Variants in OPA3 observed in about 807,000 individuals in gnomAD.
OPA3 encodes outer mitochondrial membrane lipid metabolism regulator OPA3, also known as optic atrophy 3 protein.
A neutral mutation model predicts 4.0 loss-of-function variants in OPA3; 6 were observed. The ratio of observed to expected loss-of-function variants is 1.51; its 90% CI spans 0.83 to 2.99. The LOEUF (loss-of-function observed/expected upper bound fraction) is 2.99. Among genes scored for constraint, OPA3 ranks in the 30% most tolerant of loss-of-function variants. OPA3 has a pLI of 0.00. For synonymous variants in OPA3, 105 were observed against 117.1 expected (o/e 0.90, Z 0.67); for missense variants, 235 against 256.2 (o/e 0.92, Z 0.56).
intron 1 of OPA3, among the ~76,000 whole-genome samples, chr19:45,572,374 T>C (rs1459542556): frequency 7.5e-6 from 1 of 132,814 alleles, no homozygotes; most frequent in Non-Finnish European, 1.6e-5. Context: ...TATATATCGA[T>C]ATATATCTCA....
At position 45,549,722 on chromosome 19, in the gene OPA3, A is replaced by G; in HGVS notation, c.*3792T>C. ...CTCGATCTCCTAACATCATGTGATC[A>G]GTCCACCTTGGCCTCTCAAAGTGCT... On this transcript the variant is annotated 3_prime_UTR_variant, in exon 2 of 2. Transcript: ENST00000263275. 1 of 971,872 alleles carries G rather than the reference A, an allele frequency of 1.0e-6. No individual in the cohort carries two copies. 60.2% of individuals were successfully genotyped at this position (971,872 alleles called of 1,614,324 possible). A position where few individuals can be genotyped will look rare whatever the true frequency, so the allele number is the denominator to read the frequency against.
At position 45,549,692 on chromosome 19, in the gene OPA3, C is replaced by G; in HGVS notation, c.*3822G>C. 1.1e-6 allele frequency: 1 copy of G among 940,212 alleles called. No individual in the cohort carries two copies. The highest frequency in any genetic ancestry group is 1.3e-6 in the Non-Finnish European group (1 of 789,004). The allele number at this position is 940,212 out of a possible 1,614,324, so 58.2% of individuals were successfully genotyped here. A position where few individuals can be genotyped will look rare whatever the true frequency, so the allele number is the denominator to read the frequency against. ...ACGGGGTTTTGCCATGTTGGCCAGG[C>G]TGGTCTCGATCTCCTAACATCATGT... On this transcript the variant is annotated 3_prime_UTR_variant, in exon 2 of 2. Transcript: ENST00000263275.
rs974200711 is a variant in OPA3, at chr19:45,549,068, G to A, written c.*4446C>T. 4 of 966,166 alleles carry A rather than the reference G, an allele frequency of 4.1e-6. No individual in the cohort carries two copies. Among genetic ancestry groups the A allele is most frequent in the South Asian group, 4.8e-5 (1 of 20,902 alleles). The allele number at this position is 966,166 out of a possible 1,614,324, so 59.8% of individuals were successfully genotyped here. ...GATCCACCCACCCTGGCCTCCCAAA[G>A]TGCTAGGATTACAGGTGTGAGCCAC... On this transcript the variant is annotated 3_prime_UTR_variant, in exon 2 of 2. Transcript: ENST00000263275.
At chr19:45,559,374 C>T in intron 1 of OPA3, among the ~76,000 whole-genome samples, 1 of 142,832 alleles carries the variant, frequency 7.0e-6, no homozygotes, top group Non-Finnish European at 1.5e-5. Flanking sequence ...TCTCTTCTCT[C>T]TCTTCTTTCC....
intron 1 of OPA3, among the ~76,000 whole-genome samples, chr19:45,570,978 TG>T (rs66483717): frequency 0.2 from 13,536 of 66,088 alleles, 1,795 homozygotes; most frequent in East Asian, 0.32. Flanking sequence ...CAAAACTATT[TG>T]GGGGGGGGGG....
rs45527139 is a variant in OPA3 at position 45,584,802 on chromosome 19, T to C, written c.-38A>G. 0.03 allele frequency: 47,764 copies of C among 1,610,818 alleles called. 870 individuals carry two copies. Among genetic ancestry groups the C allele is most frequent in the Non-Finnish European group, 0.034 (40,199 of 1,179,774 alleles). The stretch of plus-strand genomic sequence containing the variant: ...ACAGGGCACGCGCAACCTTGCTGAC[T>C]GGGCGGGGCGCCTCAACCTCTTCAC... On this transcript the variant is annotated 5_prime_UTR_variant, in exon 1 of 2. Transcript: ENST00000263275.
At chr19:45,572,529 T>TAG (rs1969692759) in intron 1 of OPA3, among the ~76,000 whole-genome samples, 3 of 123,344 alleles carry the variant, frequency 2.4e-5, no homozygotes, top group Non-Finnish European at 5.2e-5. Context: ...ATATGAGATA[T>TAG]ATATATCATA....
At chr19:45,528,960 G>T in exon 2 of OPA3, 2 of 1,430,454 alleles carry the variant, frequency 1.4e-6, no homozygotes, top group Non-Finnish European at 1.9e-6. Context: ...GTGTCAGCTG[G>T]GCCGGTCCAG....
At chr19:45,554,009 AG>A (rs896601889) in intron 1 of OPA3, 98 bp from the exon 2 acceptor site, 2 of 975,034 alleles carry the variant, frequency 2.1e-6, no homozygotes, top group African/African-American at 1.6e-5. Flanking sequence ...TGGGTAACCC[AG>A]GGGTCTTTTA....
downstream of OPA3, among the ~76,000 whole-genome samples, chr19:45,543,161 C>T (rs1229163232): frequency 6.6e-6 from 1 of 151,816 alleles, no homozygotes; most frequent in Non-Finnish European, 1.5e-5. Context: ...AGGAGCATGA[C>T]ACCATGCCTG....
downstream of OPA3, among the ~76,000 whole-genome samples, chr19:45,542,668 T>G (rs1425821375): frequency 5.1e-4 from 7 of 13,788 alleles, no homozygotes; most frequent in East Asian, 0.017. Context: ...TTTTTTTGTT[T>G]TTTTTTTTTT....
chr19:45,572,277 G>GTA (rs773297577), intron 1 of OPA3, among the ~76,000 whole-genome samples: 10,696 of 116,540 alleles, frequency 0.092, 1,063 homozygotes, highest in South Asian at 0.13. Flanking sequence ...AATATATATA[G>GTA]TATATATATC....
intron 1 of OPA3, chr19:45,584,217 G>T: frequency 2.4e-6 from 1 of 412,594 alleles, no homozygotes; most frequent in Non-Finnish European, 3.3e-6. Context: ...GAGGCACACG[G>T]TGCCGCTTTT....
At position 45,547,217 on chromosome 19, in the gene OPA3, T is replaced by G. The variant is rs1969262124; in HGVS notation, c.*6297A>C. The stretch of plus-strand genomic sequence containing the variant: ...GCCAATCAAGGCAAGGGGCAGCCTT[T>G]GCTTGCCTGGCCCCCTCACCTAACT... On this transcript the variant is annotated 3_prime_UTR_variant, in exon 2 of 2. Coordinates refer to ENST00000263275, the MANE Select transcript of OPA3 (RefSeq NM_025136.4). The G allele has an allele frequency of 6.6e-6, 1 of 152,264 alleles. No individual in the cohort carries two copies. The highest frequency in any genetic ancestry group is 2.1e-4 in the South Asian group (1 of 4,836). 9.4% of individuals were successfully genotyped at this position (152,264 alleles called of 1,614,324 possible).
At chr19:45,555,988 G>A (rs1392579643) in intron 1 of OPA3, among the ~76,000 whole-genome samples, 2 of 151,900 alleles carry the variant, frequency 1.3e-5, no homozygotes, top group Non-Finnish European at 2.9e-5. Context: ...TATTGTATGC[G>A]AACTGCAATA....
At chr19:45,556,300 T>C (rs891693473) in intron 1 of OPA3, among the ~76,000 whole-genome samples, 1 of 152,070 alleles carries the variant, frequency 6.6e-6, no homozygotes, top group African/African-American at 2.4e-5. Flanking sequence ...CATGCCACCA[T>C]GCCTGGCTAA....
rs1969276235 is a variant in OPA3 at position 45,547,999 on chromosome 19, T to G, written c.*5515A>C. On this transcript the variant is annotated 3_prime_UTR_variant, in exon 2 of 2. Coordinates refer to ENST00000263275, the MANE Select transcript of OPA3 (RefSeq NM_025136.4). ...GGTGTGAGCCACCACGCCTGGCCAC[T>G]CTTTCCTTCTTTATTGCCGGTCTCT... 1 of 583,450 alleles carries G rather than the reference T, an allele frequency of 1.7e-6. No homozygotes were observed. The highest frequency in any genetic ancestry group is 2.2e-6 in the Non-Finnish European group (1 of 462,722). 36.1% of individuals were successfully genotyped at this position (583,450 alleles called of 1,614,324 possible). A position where few individuals can be genotyped will look rare whatever the true frequency, so the allele number is the denominator to read the frequency against.
In OPA3 at chr19:45,581,591, G is replaced by A. The variant is rs116330616; in HGVS notation, c.142+3032C>T. Among the ~76,000 whole-genome samples the A allele has an allele frequency of 3.9e-3, 590 of 152,270 alleles. 4 individuals are homozygous for A. Among genetic ancestry groups the A allele is most frequent in the African/African-American group, 0.013 (557 of 41,546 alleles). On this transcript the variant is annotated intron_variant, in intron 1 of 1. Coordinates refer to ENST00000263275, the MANE Select transcript of OPA3 (RefSeq NM_025136.4). ...GTGCTGGTTTGGTCCCTGCTGTTTC[G>A]CCAGCATTGCCAGCACAAGGCCTGG... is the stretch of plus-strand genomic sequence containing the variant.
chr19:45,537,396 CAAAAAAAA>C (rs1181396046), intron 1 of OPA3, among the ~76,000 whole-genome samples: 2 of 28,918 alleles, frequency 6.9e-5, no homozygotes, highest in South Asian at 2.6e-3. Context: ...GACTCTGTCT[CAAAAAAAA>C]AAAAAAAAAA....
Sources: gnomAD v4.1 joint callset for allele counts (sites outside exome capture counted in the v4.1 genomes callset) on GRCh38, gnomAD v4.1.1 for gene constraint, MANE v1.5 for transcripts, NCBI Gene and HGNC (gene_info 2026-07-23, HGNC 2026-07-21) for gene names.